The following TRPM3 variants were observed in gnomAD, a reference collection of about 807,000 sequenced individuals.
TRPM3 encodes transient receptor potential cation channel subfamily M member 3, also known as long transient receptor potential channel 3.
In TRPM3, 77 loss-of-function variants were observed where a neutral mutation model predicts 181.2. That is an observed-to-expected ratio of 0.42 (90% CI 0.35 to 0.51). The LOEUF (loss-of-function observed/expected upper bound fraction) is 0.51, where lower values mean the gene tolerates loss of function less well. Ranked by LOEUF, TRPM3 falls within the 20% of genes least tolerant of loss-of-function variation. TRPM3 has a pLI of 0.01. For missense variants in TRPM3, 1,759 were observed against 2,196.7 expected, an observed-to-expected ratio of 0.80 and a Z score of 3.98; for synonymous variants, 745 against 796.4, an observed-to-expected ratio of 0.94 and a Z score of 1.09.
intron 1 of TRPM3, among the ~76,000 whole-genome samples, chr9:71,266,002 C>G (rs2083369432): frequency 6.6e-6 from 1 of 152,184 alleles, no homozygotes; most frequent in Non-Finnish European, 1.5e-5. Flanking sequence ...CTTGTTTCCT[C>G]TCTGGCTGGA....
chr9:71,067,031 G>T (rs2062014985), intron 1 of TRPM3, among the ~76,000 whole-genome samples: 1 of 152,124 alleles, frequency 6.6e-6, no homozygotes, highest in Admixed American at 6.6e-5. Flanking sequence ...TTCAACCCAT[G>T]AAGGCATTAA....
At chr9:71,413,964 T>C (rs758412323) in intron 1 of TRPM3, among the ~76,000 whole-genome samples, 4 of 152,106 alleles carry the variant, frequency 2.6e-5, no homozygotes, top group Non-Finnish European at 5.9e-5. Flanking sequence ...ATACCACAGT[T>C]ATTGACATTA....
rs553327996 is a variant in TRPM3 at position 70,646,683 on chromosome 9, G to A, written c.1346-6023C>T. Among the ~76,000 whole-genome samples the A allele has an allele frequency of 5.9e-5, 9 of 152,012 alleles. No homozygotes were observed. In the South Asian group the frequency reaches 1.7e-3, roughly 28 times the overall value. On this transcript the variant is annotated intron_variant, in intron 9 of 25. Coordinates refer to ENST00000677713, the MANE Select transcript of TRPM3 (RefSeq NM_001366145.2). ...GTATCCCTATGTAACAAACCTGCAT[G>A]TTCTGCACATGTATCCCAGAACTTA...
chr9:70,803,886 A>G (rs1358405812), intron 6 of TRPM3, among the ~76,000 whole-genome samples: 1 of 152,138 alleles, frequency 6.6e-6, no homozygotes, highest in Non-Finnish European at 1.5e-5. Context: ...CCACCTGAAA[A>G]TAAGATAGAA....
chr9:71,386,384 G>T (rs1375050810), intron 1 of TRPM3, among the ~76,000 whole-genome samples: 1 of 151,924 alleles, frequency 6.6e-6, no homozygotes, highest in African/African-American at 2.4e-5. Flanking sequence ...GAGAAGTGGA[G>T]GTTGCAATGA....
At chr9:71,195,404 T>C (rs7036643) in intron 1 of TRPM3, among the ~76,000 whole-genome samples, 65,206 of 151,726 alleles carry the variant, frequency 0.43, 14,393 homozygotes, top group East Asian at 0.52. Context: ...TCAATATCAC[T>C]GTAAGATAGC....
chr9:71,216,007 A>C (rs1398909327), intron 1 of TRPM3, among the ~76,000 whole-genome samples: 1 of 152,238 alleles, frequency 6.6e-6, no homozygotes. Context: ...TAGAACCTGC[A>C]GAGTTCCATG....
chr9:70,927,398 A>G (rs1034338932), intron 1 of TRPM3, among the ~76,000 whole-genome samples: 1 of 152,226 alleles, frequency 6.6e-6, no homozygotes, highest in Non-Finnish European at 1.5e-5. Flanking sequence ...TCAGACAGCT[A>G]TGGGTAAAAT....
chr9:70,793,961 G>A (rs541220043), intron 6 of TRPM3, among the ~76,000 whole-genome samples: 3 of 152,144 alleles, frequency 2.0e-5, no homozygotes, highest in African/African-American at 4.8e-5. Flanking sequence ...GCTGTGCTAC[G>A]ATGTTTGGCA....
At chr9:71,434,717 G>T (rs1463538496) in intron 1 of TRPM3, among the ~76,000 whole-genome samples, 1 of 152,080 alleles carries the variant, frequency 6.6e-6, no homozygotes, top group Middle Eastern at 3.2e-3. Flanking sequence ...GCCCATTTTT[G>T]AAAAGAAAGG....
chr9:71,044,226 T>C (rs2059163656), intron 1 of TRPM3, among the ~76,000 whole-genome samples: 1 of 152,158 alleles, frequency 6.6e-6, no homozygotes, highest in African/African-American at 2.4e-5. Flanking sequence ...CAATTGCTTG[T>C]ACAGAAATGG....
At chr9:71,120,405 G>A (rs910218056) in intron 1 of TRPM3, among the ~76,000 whole-genome samples, 1 of 152,152 alleles carries the variant, frequency 6.6e-6, no homozygotes, top group Non-Finnish European at 1.5e-5. Flanking sequence ...CATGAAGGTG[G>A]ATTAGTACAG....
chr9:70,887,966 T>A (rs1324522394), intron 1 of TRPM3, among the ~76,000 whole-genome samples: 8 of 152,226 alleles, frequency 5.3e-5, no homozygotes, highest in Non-Finnish European at 8.8e-5. Context: ...TGGACCAGAA[T>A]GATGAGTTGT....
chr9:70,629,215 C>G (rs57184158), intron 12 of TRPM3, among the ~76,000 whole-genome samples: 890 of 9,958 alleles, frequency 0.089, 188 homozygotes, highest in East Asian at 0.15. Flanking sequence ...TGACCAGTGC[C>G]GGGGGGGGGG....
intron 7 of TRPM3, chr9:70,775,780 T>C (rs1298393338): frequency 1.4e-5 from 2 of 145,052 alleles, no homozygotes; most frequent in Non-Finnish European, 3.1e-5. Flanking sequence ...GAGCCAGCAA[T>C]TGTGAGATTT....
intron 1 of TRPM3, among the ~76,000 whole-genome samples, chr9:71,127,401 C>G (rs185035882): frequency 6.6e-6 from 1 of 151,888 alleles, no homozygotes. Context: ...TAATGGAAAG[C>G]TCATGCTTGT....
chr9:70,659,682 AT>A (rs1311535508), intron 9 of TRPM3, among the ~76,000 whole-genome samples: 4 of 152,130 alleles, frequency 2.6e-5, no homozygotes, highest in Non-Finnish European at 5.9e-5. Flanking sequence ...TTCAATTTTT[AT>A]TATTTTCTAC....
intron 9 of TRPM3, among the ~76,000 whole-genome samples, chr9:70,665,314 G>A (rs7023364): frequency 0.38 from 57,700 of 151,878 alleles, 11,393 homozygotes; most frequent in African/African-American, 0.47. Context: ...TTGAAGAATC[G>A]AAGCTATATA....
intron 22 of TRPM3, among the ~76,000 whole-genome samples, chr9:70,579,837 T>C (rs1373071780): frequency 6.6e-6 from 1 of 152,212 alleles, no homozygotes; most frequent in Non-Finnish European, 1.5e-5. Flanking sequence ...ACCATGTGTC[T>C]TTGTGAAGCC....
Sources: gnomAD v4.1 joint callset for allele counts (sites outside exome capture counted in the v4.1 genomes callset) on GRCh38, gnomAD v4.1.1 for gene constraint, MANE v1.5 for transcripts, NCBI Gene and HGNC (gene_info 2026-07-23, HGNC 2026-07-21) for gene names.